Variants in ASTN2 observed in about 807,000 individuals in gnomAD.
ASTN2 encodes the protein astrotactin-2.
A neutral mutation model predicts 139.8 loss-of-function variants in ASTN2; 54 were observed. The ratio of observed to expected loss-of-function variants is 0.39; its 90% CI spans 0.31 to 0.48. ASTN2 has a LOEUF of 0.48. Among genes scored for constraint, ASTN2 ranks in the 20% least tolerant of loss-of-function variants. The pLI is 0.95. For synonymous variants in ASTN2, 756 were observed against 719.5 expected (o/e 1.05, Z -0.81); for missense variants, 1,565 against 1,725.1 (o/e 0.91, Z 1.64).
chr9:117,383,575 T>C (rs1477526644), intron 1 of ASTN2, among the ~76,000 whole-genome samples: 2 of 152,138 alleles, frequency 1.3e-5, no homozygotes, highest in Admixed American at 6.5e-5. Context: ...TGGAAGAGAT[T>C]TCATTTGATG....
At chr9:117,075,414 G>A (rs529847813) in intron 5 of ASTN2, among the ~76,000 whole-genome samples, 2 of 151,194 alleles carry the variant, frequency 1.3e-5, no homozygotes, top group South Asian at 4.2e-4. Flanking sequence ...TGGAAAGAAA[G>A]AGACACACCA....
chr9:116,915,624 C>G (rs1417504852), intron 10 of ASTN2, among the ~76,000 whole-genome samples: 2 of 152,124 alleles, frequency 1.3e-5, no homozygotes, highest in South Asian at 2.1e-4. Flanking sequence ...CATGATGAAG[C>G]CTCCATAAAA....
chr9:116,882,044 A>C (rs898137709), intron 10 of ASTN2, among the ~76,000 whole-genome samples: 4 of 152,158 alleles, frequency 2.6e-5, no homozygotes, highest in Admixed American at 2.6e-4. Context: ...TTTTGGAACA[A>C]TAAAAGAATT....
chr9:116,447,332 C>A (rs1411852421), intron 20 of ASTN2, among the ~76,000 whole-genome samples: 1 of 152,196 alleles, frequency 6.6e-6, no homozygotes, highest in Non-Finnish European at 1.5e-5. Flanking sequence ...ACAGCTAGGT[C>A]AGCACCCCTT....
Position 116,805,825 on chromosome 9 carries a change from A to T in ASTN2, c.2208-5T>A. ...AGTTTGTACTCCTCCACGCAACTGT[A>T]TGATAAAACAGAGCTCAGAATTAGC... On this transcript the variant is annotated splice_region_variant and splice_polypyrimidine_tract_variant and intron_variant, in intron 12 of 22. Coordinates refer to ENST00000313400, the MANE Select transcript of ASTN2 (RefSeq NM_001365068.1). 6 of 1,612,856 alleles carry T rather than the reference A, an allele frequency of 3.7e-6. No homozygotes were observed. Among genetic ancestry groups the T allele is most frequent in the Non-Finnish European group, 5.1e-6 (6 of 1,179,250 alleles).
In ASTN2 at chr9:117,328,331, G is replaced by A. The variant is rs541558876; in HGVS notation, c.443-36818C>T. On this transcript the variant is annotated intron_variant, in intron 1 of 22. Transcript: ENST00000313400. ...AGTATAGAATGTGCAGAATCTCTCA[G>A]CCTAGGAGGATAGAATACCAAGAAG... Among the ~76,000 whole-genome samples the A allele has an allele frequency of 2.0e-5, 3 of 152,256 alleles. No individual in the cohort carries two copies. The East Asian group carries it at 5.8e-4, about 29-fold the overall frequency.
At chr9:116,891,793 A>C (rs915421037) in intron 10 of ASTN2, among the ~76,000 whole-genome samples, 1 of 152,238 alleles carries the variant, frequency 6.6e-6, no homozygotes, top group Non-Finnish European at 1.5e-5. Context: ...ATGTTTTTAA[A>C]GTACAGTCTC....
intron 19 of ASTN2, among the ~76,000 whole-genome samples, chr9:116,511,687 G>T (rs1850388660): frequency 1.3e-5 from 2 of 152,076 alleles, no homozygotes; most frequent in African/African-American, 2.4e-5. Flanking sequence ...CAGAGCCTGT[G>T]ATTGGTCTAT....
At chr9:117,161,383 A>G (rs1051339562) in intron 3 of ASTN2, among the ~76,000 whole-genome samples, 1 of 151,934 alleles carries the variant, frequency 6.6e-6, no homozygotes, top group Non-Finnish European at 1.5e-5. Context: ...ATGAAAGAAA[A>G]GGCGTTTTTT....
At chr9:117,085,495 A>T (rs1257123387) in intron 5 of ASTN2, among the ~76,000 whole-genome samples, 2 of 152,232 alleles carry the variant, frequency 1.3e-5, no homozygotes, top group Non-Finnish European at 2.9e-5. Flanking sequence ...ATAAACTGGG[A>T]TGGGCTGGTC....
At chr9:117,325,871 G>A (rs565128498) in intron 1 of ASTN2, among the ~76,000 whole-genome samples, 4 of 152,234 alleles carry the variant, frequency 2.6e-5, no homozygotes, top group Admixed American at 1.3e-4. Context: ...CAAACTCAAC[G>A]CTGTCAGTCC....
At chr9:116,494,257 T>G (rs1849606252) in intron 19 of ASTN2, among the ~76,000 whole-genome samples, 1 of 152,146 alleles carries the variant, frequency 6.6e-6, no homozygotes, top group Non-Finnish European at 1.5e-5. Flanking sequence ...AGATGGATGA[T>G]TAAACTCTCA....
chr9:116,605,739 T>C (rs750639016), intron 19 of ASTN2, among the ~76,000 whole-genome samples: 4 of 152,218 alleles, frequency 2.6e-5, no homozygotes, highest in Non-Finnish European at 5.9e-5. Flanking sequence ...AGTGGCTAGA[T>C]ACTCCATTCT....
chr9:116,678,375 T>A (rs1227787828), intron 16 of ASTN2, among the ~76,000 whole-genome samples: 1 of 152,194 alleles, frequency 6.6e-6, no homozygotes, highest in South Asian at 2.1e-4. Context: ...CACTTACTTA[T>A]CAGGTTTTTC....
At chr9:117,320,708 TCA>T (rs1254160159) in intron 1 of ASTN2, among the ~76,000 whole-genome samples, 2 of 152,280 alleles carry the variant, frequency 1.3e-5, no homozygotes, top group Non-Finnish European at 2.9e-5. Flanking sequence ...AGCAGCACTG[TCA>T]CATGTGCTAA....
chr9:116,711,085 T>G (rs546269552), intron 16 of ASTN2, among the ~76,000 whole-genome samples: 121 of 152,290 alleles, frequency 7.9e-4, no homozygotes, highest in African/African-American at 2.8e-3. Context: ...CACATACAAA[T>G]AGGCAAATAT....
At chr9:116,969,820 C>T (rs887875214) in intron 10 of ASTN2, among the ~76,000 whole-genome samples, 4 of 152,146 alleles carry the variant, frequency 2.6e-5, no homozygotes, top group African/African-American at 9.7e-5. Flanking sequence ...GGGCCCACCT[C>T]CAAAATACCT....
At chr9:116,469,570 CA>C (rs1388166942) in intron 20 of ASTN2, among the ~76,000 whole-genome samples, 1 of 152,196 alleles carries the variant, frequency 6.6e-6, no homozygotes, top group African/African-American at 2.4e-5. Context: ...CTTATTCCCT[CA>C]GTGACTTTGG....
intron 19 of ASTN2, among the ~76,000 whole-genome samples, chr9:116,578,732 G>A (rs962505851): frequency 4.7e-5 from 7 of 147,898 alleles, no homozygotes; most frequent in Non-Finnish European, 7.4e-5. Context: ...CTACCTGTCC[G>A]ACTCCACTTT....
Sources: allele counts gnomAD v4.1 joint callset (sites outside exome capture counted in the v4.1 genomes callset), GRCh38; gene constraint gnomAD v4.1.1; transcripts MANE v1.5; gene names NCBI Gene and HGNC (gene_info 2026-07-23, HGNC 2026-07-21).